The following SNTG1 variants were observed in gnomAD, a reference collection of about 807,000 sequenced individuals.
SNTG1 encodes gamma-1-syntrophin.
In SNTG1, 39 loss-of-function variants were observed where a neutral mutation model predicts 74.7. The ratio of observed to expected loss-of-function variants is 0.52; its 90% confidence interval spans 0.40 to 0.68. The LOEUF is 0.68. SNTG1 is among the 30% of genes least tolerant of loss of function. The probability of loss-of-function intolerance (pLI) is 0.00; values close to 1 mark genes in which losing one functional copy is unlikely to be tolerated. For missense variants in SNTG1, 685 were observed against 609.5 expected (o/e 1.12, Z -1.30); for synonymous variants, 254 against 217.1 (o/e 1.17, Z -1.49).
chr8:50,447,515 C>A (rs919991619), intron 5 of SNTG1, among the ~76,000 whole-genome samples: 6 of 152,182 alleles, frequency 3.9e-5, no homozygotes, highest in African/African-American at 1.4e-4. Context: ...TCCTTAACAT[C>A]CTTTCTAATT....
In SNTG1 at chr8:50,748,245, C is replaced by T. The variant is rs150435327; in HGVS notation, c.1285-3756C>T. ...GATAAACATTTTCTCACTCCATTTA[C>T]CCTTAAATGTATTTATTGGAACCTT... On this transcript the variant is annotated intron_variant, in intron 17 of 18. Coordinates refer to ENST00000642720, the MANE Select transcript of SNTG1 (RefSeq NM_018967.5). Among the ~76,000 whole-genome samples, 9 of 152,044 alleles carry T rather than the reference C, an allele frequency of 5.9e-5. No homozygotes were observed. The East Asian group carries it at 1.8e-3, about 30-fold the overall frequency.
At chr8:50,570,276 A>ATTTTATTTTATTTTATTTTG (rs796738437) in intron 12 of SNTG1, among the ~76,000 whole-genome samples, 643 of 40,114 alleles carry the variant, frequency 0.016, 24 homozygotes, top group African/African-American at 0.028. Flanking sequence ...ATTTTATTTT[A>ATTTTATTTTATTTTATTTTG]TAGATGGAGT....
chr8:50,376,756 T>TATATAGAG (rs1381048539), intron 2 of SNTG1, among the ~76,000 whole-genome samples: 6 of 89,962 alleles, frequency 6.7e-5, no homozygotes, highest in African/African-American at 1.2e-4. Context: ...TATATATATA[T>TATATAGAG]AGAGAGAGAG....
At chr8:50,489,237 C>T (rs944068198) in intron 8 of SNTG1, among the ~76,000 whole-genome samples, 16 of 152,288 alleles carry the variant, frequency 1.1e-4, no homozygotes, top group Admixed American at 2.0e-4. Context: ...AATAAACATA[C>T]GTGTGCATGT....
intron 2 of SNTG1, among the ~76,000 whole-genome samples, chr8:50,293,509 A>G (rs2089224547): frequency 6.6e-6 from 1 of 151,566 alleles, no homozygotes; most frequent in South Asian, 2.1e-4. Context: ...TCCTGGGTTC[A>G]AGAGATTCTC....
rs563941830 is a variant in SNTG1, at chr8:50,395,014, T to C, written c.27+749T>C. Among the ~76,000 whole-genome samples the C allele has an allele frequency of 1.2e-4, 19 of 152,288 alleles. No homozygotes were observed. In the East Asian group the frequency reaches 2.5e-3, roughly 20 times the overall value. ...TCAACAAAAACCAACCATAACTGCT[T>C]ACCTCTGGTAGTGTTAAAATCAAAC... is the stretch of plus-strand genomic sequence containing the variant. On this transcript the variant is annotated intron_variant, in intron 3 of 18. Transcript: ENST00000642720.
chr8:50,401,107 A>G (rs2092799446), intron 3 of SNTG1, among the ~76,000 whole-genome samples: 1 of 152,110 alleles, frequency 6.6e-6, no homozygotes, highest in Non-Finnish European at 1.5e-5. Context: ...AAATTAATTA[A>G]TTAATTAACT....
intron 8 of SNTG1, among the ~76,000 whole-genome samples, chr8:50,498,356 C>T (rs941486170): frequency 2.6e-5 from 4 of 151,718 alleles, no homozygotes; most frequent in Non-Finnish European, 5.9e-5. Context: ...TCACTAATTG[C>T]TATTATGTTA....
intron 4 of SNTG1, among the ~76,000 whole-genome samples, chr8:50,433,525 T>C (rs1587612502): frequency 6.6e-6 from 1 of 150,884 alleles, no homozygotes; most frequent in Non-Finnish European, 1.5e-5. Context: ...CTCAGGCCTG[T>C]TGGGATAGAA....
intron 1 of SNTG1, among the ~76,000 whole-genome samples, chr8:50,114,158 A>G (rs1194851581): frequency 6.6e-6 from 1 of 152,090 alleles, no homozygotes; most frequent in Admixed American, 6.6e-5. Context: ...ATTTACTTTG[A>G]TTTATATTAT....
At chr8:50,412,112 A>C (rs1351376314) in intron 4 of SNTG1, among the ~76,000 whole-genome samples, 2 of 152,186 alleles carry the variant, frequency 1.3e-5, no homozygotes, top group Non-Finnish European at 2.9e-5. Context: ...TTTTTTTGTG[A>C]AATACATTGC....
intron 2 of SNTG1, among the ~76,000 whole-genome samples, chr8:50,342,029 T>C (rs2091332638): frequency 6.6e-6 from 1 of 152,186 alleles, no homozygotes; most frequent in East Asian, 1.9e-4. Flanking sequence ...GCCACTCTTA[T>C]AGTCTGGATG....
intron 1 of SNTG1, among the ~76,000 whole-genome samples, chr8:49,916,191 A>G: frequency 1.4e-4 from 1 of 6,918 alleles, no homozygotes; most frequent in African/African-American, 1.6e-4. Context: ...TTTTTGTCAA[A>G]TACACACACA....
chr8:50,005,297 T>C (rs1020892403), intron 1 of SNTG1, among the ~76,000 whole-genome samples: 8 of 152,026 alleles, frequency 5.3e-5, no homozygotes, highest in Non-Finnish European at 7.4e-5. Context: ...TTTTTCAAAA[T>C]GCAGGAATTT....
At chr8:50,315,473 T>C (rs1488841061) in intron 2 of SNTG1, among the ~76,000 whole-genome samples, 1 of 150,008 alleles carries the variant, frequency 6.7e-6, no homozygotes, top group African/African-American at 2.5e-5. Flanking sequence ...TTATGCAACA[T>C]TGTTGAGAAC....
At chr8:50,745,995 A>G (rs2095554282) in intron 17 of SNTG1, among the ~76,000 whole-genome samples, 1 of 152,010 alleles carries the variant, frequency 6.6e-6, no homozygotes, top group Non-Finnish European at 1.5e-5. Context: ...TTCTTCAATC[A>G]TACATGTAAA....
At chr8:50,352,936 C>T (rs2091707388) in intron 2 of SNTG1, among the ~76,000 whole-genome samples, 1 of 152,170 alleles carries the variant, frequency 6.6e-6, no homozygotes, top group South Asian at 2.1e-4. Flanking sequence ...AATCATGCTG[C>T]TATAGAGACA....
At chr8:49,928,236 CTT>C (rs149821539) in intron 1 of SNTG1, among the ~76,000 whole-genome samples, 6 of 135,026 alleles carry the variant, frequency 4.4e-5, no homozygotes, top group Admixed American at 6.9e-5. Flanking sequence ...TTTTTTGTTT[CTT>C]TTTTTTTGAG....
chr8:49,982,170 T>C (rs1812739466), intron 1 of SNTG1, among the ~76,000 whole-genome samples: 1 of 152,176 alleles, frequency 6.6e-6, no homozygotes, highest in Non-Finnish European at 1.5e-5. Context: ...AGTACATCTA[T>C]GCCCTGGAGA....
Sources: allele counts gnomAD v4.1 joint callset (sites outside exome capture counted in the v4.1 genomes callset), GRCh38; gene constraint gnomAD v4.1.1; transcripts MANE v1.5; gene names NCBI Gene and HGNC (gene_info 2026-07-23, HGNC 2026-07-21).